MAP3K13: variants seen among roughly 807,000 people sequenced by gnomAD.
MAP3K13 encodes the protein leucine zipper-bearing kinase.
A neutral mutation model predicts 104.0 loss-of-function variants in MAP3K13; 52 were observed. The observed-to-expected ratio is 0.50, with a 90% CI of 0.40 to 0.63. The LOEUF (loss-of-function observed/expected upper bound fraction) is 0.63, where lower values mean the gene tolerates loss of function less well. MAP3K13 is among the 20% of genes least tolerant of loss of function. MAP3K13 has a pLI of 0.00. For synonymous variants in MAP3K13, 394 were observed against 442.2 expected (o/e 0.89, Z 1.37); for missense variants, 914 against 1,218.5 (o/e 0.75, Z 3.72).
At chr3:185,381,277 A>C (rs933149939) in intron 1 of MAP3K13, among the ~76,000 whole-genome samples, 5 of 152,168 alleles carry the variant, frequency 3.3e-5, no homozygotes, top group Non-Finnish European at 7.4e-5. Context: ...GAAGAGTTTC[A>C]TGCATAGAGT....
intron 2 of MAP3K13, among the ~76,000 whole-genome samples, chr3:185,308,184 G>A (rs949065569): frequency 1.3e-5 from 2 of 151,924 alleles, no homozygotes; most frequent in African/African-American, 4.8e-5. Context: ...ACTCTCTTTA[G>A]CCCAGCTATA....
chr3:185,414,383 G>A (rs533382909), intron 1 of MAP3K13, among the ~76,000 whole-genome samples: 1 of 152,182 alleles, frequency 6.6e-6, no homozygotes, highest in South Asian at 2.1e-4. Flanking sequence ...TAGACGGTGG[G>A]AAAAGAAAAA....
rs1431958056 is a variant in MAP3K13, at chr3:185,482,466, A to G, written c.*10A>G. On this transcript the variant is annotated 3_prime_UTR_variant, in exon 14 of 14. Transcript: ENST00000265026. The surrounding 1 kb of genome is among the most constrained non-coding windows in gnomAD (Gnocchi z 4.5). ...CTCTGCTACCTGGTAATGAAGGAAT[A>G]CACATCCTGAAGATCTCGTGACTAT... The G allele has an allele frequency of 1.0e-5, 16 of 1,590,666 alleles. No individual in the cohort carries two copies. Among genetic ancestry groups the G allele is most frequent in the African/African-American group, 1.3e-5 (1 of 74,410 alleles).
chr3:185,302,551 CCTT>C (rs781642396), intron 2 of MAP3K13, among the ~76,000 whole-genome samples: 14 of 152,134 alleles, frequency 9.2e-5, no homozygotes, highest in Non-Finnish European at 1.9e-4. Flanking sequence ...TCTTTTCCCT[CCTT>C]CTTTACATTT....
At chr3:185,344,094 C>T (rs1722824747) in intron 2 of MAP3K13, among the ~76,000 whole-genome samples, 1 of 152,192 alleles carries the variant, frequency 6.6e-6, no homozygotes, top group Non-Finnish European at 1.5e-5. Flanking sequence ...ATACACAAGG[C>T]CCTTTGCTAG....
chr3:185,319,826 A>G (rs1577420227), intron 2 of MAP3K13, among the ~76,000 whole-genome samples: 1 of 152,364 alleles, frequency 6.6e-6, no homozygotes, highest in Middle Eastern at 3.4e-3. Flanking sequence ...TTCTCGAAAC[A>G]TGATAATATC....
intron 3 of MAP3K13, among the ~76,000 whole-genome samples, chr3:185,442,489 C>T (rs905890312): frequency 2.6e-5 from 4 of 151,780 alleles, no homozygotes; most frequent in Non-Finnish European, 5.9e-5. Flanking sequence ...ACTCATAAAA[C>T]CCTCTAAAAC....
In MAP3K13 at chr3:185,488,237, GTGC is replaced by G. The variant is rs1241571333; in HGVS notation, c.*5782_*5784del. On this transcript the variant is annotated 3_prime_UTR_variant, in exon 14 of 14. Transcript: ENST00000265026. ...GACTTGTACGGTCAGTATGAATTTAGTGCCTTTCCAGGCAGCAAAATGTTTCTT... is the reference window on the plus strand; with the variant it reads ...GACTTGTACGGTCAGTATGAATTTAGCTTTCCAGGCAGCAAAATGTTTCTT... 2 of 152,182 alleles carry G rather than the reference GTGC, an allele frequency of 1.3e-5. No homozygotes were observed. Among genetic ancestry groups the G allele is most frequent in the African/African-American group, 2.4e-5 (1 of 41,452 alleles). 9.4% of individuals were successfully genotyped at this position (152,182 alleles called of 1,614,324 possible).
chr3:185,437,735 C>A, intron 3 of MAP3K13, 105 bp downstream of exon 3: 1 of 1,136,812 alleles, frequency 8.8e-7, no homozygotes, highest in Non-Finnish European at 1.3e-6. Context: ...ATTCTCTAGA[C>A]TTAGCACTGT....
chr3:185,422,653 T>C (rs1714196361), intron 1 of MAP3K13, among the ~76,000 whole-genome samples: 1 of 152,236 alleles, frequency 6.6e-6, no homozygotes, highest in Non-Finnish European at 1.5e-5. Flanking sequence ...ATATAAAGTC[T>C]GATAGTTTGA....
chr3:185,368,163 A>C (rs1401159545), intron 1 of MAP3K13, among the ~76,000 whole-genome samples: 1 of 152,138 alleles, frequency 6.6e-6, no homozygotes, highest in African/African-American at 2.4e-5. Flanking sequence ...CTGTCTCAAA[A>C]AATTAATTAA....
intron 10 of MAP3K13, among the ~76,000 whole-genome samples, chr3:185,468,336 A>G (rs958428135): frequency 6.6e-6 from 1 of 152,168 alleles, no homozygotes; most frequent in African/African-American, 2.4e-5. Flanking sequence ...TCATCTATCA[A>G]ATCATAGGTG....
intron 2 of MAP3K13, among the ~76,000 whole-genome samples, chr3:185,357,374 G>T (rs1723404890): frequency 6.6e-6 from 1 of 150,718 alleles, no homozygotes; most frequent in African/African-American, 2.4e-5. Flanking sequence ...CTTGAACCCG[G>T]GAGGCGGAGG....
At chr3:185,283,887 T>C (rs1003130733) in intron 1 of MAP3K13, among the ~76,000 whole-genome samples, 1 of 148,526 alleles carries the variant, frequency 6.7e-6, no homozygotes, top group Non-Finnish European at 1.5e-5. Flanking sequence ...TTCCTTTTTC[T>C]TTCTTTCTTT....
At chr3:185,387,528 C>T (rs780367232) in intron 1 of MAP3K13, among the ~76,000 whole-genome samples, 3 of 152,046 alleles carry the variant, frequency 2.0e-5, no homozygotes, top group Non-Finnish European at 4.4e-5. Flanking sequence ...ATTACCCAGC[C>T]TCGGGTATTC....
intron 3 of MAP3K13, among the ~76,000 whole-genome samples, chr3:185,441,908 G>A (rs987731236): frequency 6.6e-6 from 1 of 152,058 alleles, no homozygotes; most frequent in African/African-American, 2.4e-5. Context: ...GGGTGTGGTG[G>A]TGGGCACCTG....
chr3:185,421,531 C>T (rs1052449157), intron 1 of MAP3K13, among the ~76,000 whole-genome samples: 2 of 152,190 alleles, frequency 1.3e-5, no homozygotes, highest in Admixed American at 6.5e-5. Context: ...GGGTGCCATT[C>T]CAAACTTGCC....
Position 185,465,795 on chromosome 3 carries a change from G to A in MAP3K13, c.1437G>A (p.Ala479=), listed in dbSNP as rs767438669. The A allele has an allele frequency of 1.3e-5, 21 of 1,613,948 alleles. No homozygotes were observed. The highest frequency in any genetic ancestry group is 4.4e-5 in the South Asian group (4 of 91,052). The change falls in exon 9 of 14, where the codon GCG becomes GCA. Residue 479 remains alanine (A), a synonymous_variant. Coordinates refer to ENST00000265026, the MANE Select transcript of MAP3K13 (RefSeq NM_004721.5). ...ACTATGAGCGGAAGCTTGAGCGGGC[G>A]AATAATTTATACATGGAATTGAGTG... ...REHYERKLER[A]NNLYMELSAI...
intron 2 of MAP3K13, 54 bp from the exon 3 acceptor site, chr3:185,437,388 CCTTGT>C: frequency 6.8e-7 from 1 of 1,479,650 alleles, no homozygotes; most frequent in Non-Finnish European, 9.3e-7. Context: ...TTCAGAATGG[CCTTGT>C]AGAGTGGTCC....
Sources: allele counts gnomAD v4.1 joint callset (sites outside exome capture counted in the v4.1 genomes callset), GRCh38; gene constraint gnomAD v4.1.1; non-coding constraint Gnocchi (gnomAD v3.1); transcripts MANE v1.5; gene names NCBI Gene and HGNC (gene_info 2026-07-23, HGNC 2026-07-21).